Variants in PHACTR1 observed in about 807,000 individuals in gnomAD.
PHACTR1 encodes phosphatase and actin regulator 1, also known as RPEL repeat containing 1.
PHACTR1 carries 16 observed loss-of-function variants against 69.2 expected under a neutral mutation model. That is an observed-to-expected ratio of 0.23 (90% CI 0.16 to 0.35). PHACTR1 has a LOEUF of 0.35. Among genes scored for constraint, PHACTR1 ranks in the 10% least tolerant of loss-of-function variants. The pLI, the probability that PHACTR1 is intolerant of heterozygous loss-of-function variation, is 1.00. For synonymous variants in PHACTR1, 312 were observed against 284.5 expected, an observed-to-expected ratio of 1.10 and a Z score of -0.97; for missense variants, 510 against 734.7, an observed-to-expected ratio of 0.69 and a Z score of 3.54.
At chr6:13,070,854 T>C (rs1261152331) in intron 5 of PHACTR1, among the ~76,000 whole-genome samples, 2 of 151,470 alleles carry the variant, frequency 1.3e-5, no homozygotes, top group Admixed American at 6.6e-5. Context: ...AAAAACAAGG[T>C]TTTTGTTGGT....
intron 7 of PHACTR1, among the ~76,000 whole-genome samples, chr6:13,193,446 G>T (rs1029269184): frequency 4.8e-5 from 7 of 144,650 alleles, no homozygotes; most frequent in Non-Finnish European, 1.1e-4. Flanking sequence ...GAGTGCAGTG[G>T]CATGATCATA....
At chr6:13,200,148 C>T (rs1765008584) in intron 7 of PHACTR1, among the ~76,000 whole-genome samples, 1 of 152,212 alleles carries the variant, frequency 6.6e-6, no homozygotes, top group Non-Finnish European at 1.5e-5. Flanking sequence ...CAGCACCATA[C>T]ACCAAGCGAT....
At chr6:12,805,611 C>CTTT (rs1216399730) in intron 4 of PHACTR1, among the ~76,000 whole-genome samples, 1 of 150,454 alleles carries the variant, frequency 6.6e-6, no homozygotes. Flanking sequence ...TTCTTTCTTT[C>CTTT]TTTTTTTTGG....
At chr6:13,234,269 C>T (rs73725633) in intron 10 of PHACTR1, among the ~76,000 whole-genome samples, 2,119 of 152,310 alleles carry the variant, frequency 0.014, 45 homozygotes, top group African/African-American at 0.047. Context: ...GTCATTTGCC[C>T]TGAGGGCATT....
chr6:13,043,436 A>T (rs1321105275), intron 4 of PHACTR1, among the ~76,000 whole-genome samples: 1 of 152,088 alleles, frequency 6.6e-6, no homozygotes, highest in East Asian at 1.9e-4. Context: ...CAAAAAAAAA[A>T]GGCGGGTGGG....
chr6:13,162,227 G>A lies in PHACTR1; in HGVS notation c.496+1943G>A, dbSNP rs190034092. Among the ~76,000 whole-genome samples, 283 of 152,204 alleles carry A rather than the reference G, an allele frequency of 1.9e-3. 2 individuals are homozygous for A. Among genetic ancestry groups the A allele is most frequent in the African/African-American group, 6.4e-3 (266 of 41,502 alleles). On this transcript the variant is annotated intron_variant, in intron 6 of 14. Coordinates refer to ENST00000332995, the MANE Select transcript of PHACTR1 (RefSeq NM_030948.6). ...TGGATCTCCTGCCTCAGCCTCTTGA[G>A]TAGCTGGGACCACAGGTGCGCACCA...
rs149580752 is a variant in PHACTR1 at position 12,958,483 on chromosome 6, C to T, written c.251-94882C>T. 6.5e-3 allele frequency among the ~76,000 whole-genome samples: 992 copies of T among 152,240 alleles called. 12 individuals carry two copies. The highest frequency in any genetic ancestry group is 0.022 in the African/African-American group (930 of 41,550). On this transcript the variant is annotated intron_variant, in intron 4 of 14. Coordinates refer to ENST00000332995, the MANE Select transcript of PHACTR1 (RefSeq NM_030948.6). ...AAGGAAAGACGACTTGGAAAATAAA[C>T]GGAAACATAAGGGATAGGCTTGGTG... is the stretch of plus-strand genomic sequence containing the variant.
intron 11 of PHACTR1, among the ~76,000 whole-genome samples, chr6:13,276,777 A>G (rs576206489): frequency 1.7e-3 from 252 of 152,288 alleles, no homozygotes; most frequent in African/African-American, 5.6e-3. Flanking sequence ...ATCTCAAAAA[A>G]ATAAAAAATT....
chr6:13,182,537 C>G lies in PHACTR1; in HGVS notation c.515C>G (p.Ser172Cys), dbSNP rs749820467. The G allele has an allele frequency of 1.2e-6, 2 of 1,613,902 alleles. No individual in the cohort carries two copies. The highest frequency in any genetic ancestry group is 4.5e-5 in the East Asian group (2 of 44,874). Residue 172 changes from serine (S) to cysteine (C), a missense_variant, in exon 7 of 15, where the codon TCC becomes TGC. By Grantham distance (112) the Ser-to-Cys change is moderately radical. Coordinates refer to ENST00000332995, the MANE Select transcript of PHACTR1 (RefSeq NM_030948.6). ...CTGACAGATGGGGAACTCTCTATATCCAATGAAGAGGACTCCCTAGAAAAT... is the reference window on the plus strand; with the variant it reads ...CTGACAGATGGGGAACTCTCTATATGCAATGAAGAGGACTCCCTAGAAAAT... ...IYDKDGELSI[S>C]NEEDSLENGQ...
intron 4 of PHACTR1, among the ~76,000 whole-genome samples, chr6:12,798,243 C>T (rs1221624873): frequency 6.6e-6 from 1 of 152,070 alleles, no homozygotes; most frequent in African/African-American, 2.4e-5. Flanking sequence ...AGGAAGCTTT[C>T]AATCCAGAAA....
chr6:12,916,062 C>T lies in PHACTR1; in HGVS notation c.251-137303C>T, dbSNP rs116723443. On this transcript the variant is annotated intron_variant, in intron 4 of 14. Coordinates refer to ENST00000332995, the MANE Select transcript of PHACTR1 (RefSeq NM_030948.6). ...GTAATACATGGGTATCTCTGTAATG[C>T]GTGGCAAAAAGGGTAATACATTGGT... Among the ~76,000 whole-genome samples, 345 of 152,156 alleles carry T rather than the reference C, an allele frequency of 2.3e-3. 3 individuals are homozygous for T. Among genetic ancestry groups the T allele is most frequent in the African/African-American group, 8.0e-3 (332 of 41,550 alleles).
At chr6:12,801,903 C>T (rs572422203) in intron 4 of PHACTR1, among the ~76,000 whole-genome samples, 20 of 151,794 alleles carry the variant, frequency 1.3e-4, no homozygotes, top group Non-Finnish European at 2.6e-4. Flanking sequence ...ATTAGGTTTC[C>T]GAGGAGTGAC....
chr6:13,202,768 C>T (rs9473675), intron 7 of PHACTR1, among the ~76,000 whole-genome samples: 4,280 of 152,304 alleles, frequency 0.028, 208 homozygotes, highest in African/African-American at 0.096. Flanking sequence ...TGGGCCACCG[C>T]GCCCGCCTGC....
At chr6:13,030,075 G>C (rs982184666) in intron 4 of PHACTR1, among the ~76,000 whole-genome samples, 1 of 152,206 alleles carries the variant, frequency 6.6e-6, no homozygotes, top group Non-Finnish European at 1.5e-5. Flanking sequence ...ACTGACCCTA[G>C]CATATAGTAA....
intron 7 of PHACTR1, among the ~76,000 whole-genome samples, chr6:13,201,906 C>T (rs1583898814): frequency 6.6e-6 from 1 of 152,212 alleles, no homozygotes; most frequent in Non-Finnish European, 1.5e-5. Context: ...GCAAGTAATT[C>T]TACCTGATTT....
At chr6:12,975,920 G>A (rs973158756) in intron 4 of PHACTR1, among the ~76,000 whole-genome samples, 11 of 152,196 alleles carry the variant, frequency 7.2e-5, no homozygotes, top group Non-Finnish European at 1.5e-4. Context: ...AGTGCTATAG[G>A]TAAAATGGGC....
intron 5 of PHACTR1, among the ~76,000 whole-genome samples, chr6:13,144,932 G>T (rs1041662456): frequency 1.3e-5 from 2 of 152,072 alleles, no homozygotes; most frequent in African/African-American, 4.8e-5. Context: ...GATAGGCAAA[G>T]ATACAAGTAG....
chr6:12,841,965 A>C (rs1470251415), intron 4 of PHACTR1, among the ~76,000 whole-genome samples: 1 of 152,200 alleles, frequency 6.6e-6, no homozygotes, highest in East Asian at 1.9e-4. Context: ...TTTTGATCTC[A>C]TCTTGAATCT....
chr6:12,949,365 G>A (rs1481247032), intron 4 of PHACTR1, among the ~76,000 whole-genome samples: 2 of 151,870 alleles, frequency 1.3e-5, no homozygotes, highest in Non-Finnish European at 2.9e-5. Flanking sequence ...TACAACCTAT[G>A]TCAATGAAAC....
Sources: gnomAD v4.1 joint callset for allele counts (sites outside exome capture counted in the v4.1 genomes callset) on GRCh38, gnomAD v4.1.1 for gene constraint, MANE v1.5 for transcripts, NCBI Gene and HGNC (gene_info 2026-07-23, HGNC 2026-07-21) for gene names.